Variants in FIGNL2 observed in about 807,000 individuals in gnomAD.
FIGNL2 encodes the protein fidgetin like 2.
For synonymous variants in FIGNL2, 565 were observed against 484.0 expected (o/e 1.17, Z -2.20); for missense variants, 1,060 against 950.2 (o/e 1.12, Z -1.52).
intron 1 of FIGNL2, chr12:51,847,920 C>A (rs1217042288): frequency 1.1e-5 from 9 of 830,986 alleles, no homozygotes; most frequent in Non-Finnish European, 1.3e-5. Flanking sequence ...CTCCTACAAC[C>A]CCCTGACTCT....
At chr12:51,829,825 G>A (rs1347171078) in intron 1 of FIGNL2, among the ~76,000 whole-genome samples, 2 of 151,588 alleles carry the variant, frequency 1.3e-5, no homozygotes, top group East Asian at 1.9e-4. Flanking sequence ...AAGGAAGAGA[G>A]GGAGGGAGAG....
In FIGNL2 at chr12:51,821,015, C is replaced by A. The variant is rs2138968686; in HGVS notation, c.1399G>T (p.Ala467Ser). 1.7e-6 allele frequency: 2 copies of A among 1,172,486 alleles called. No individual in the cohort carries two copies. The highest frequency in any genetic ancestry group is 3.5e-4 in the Middle Eastern group (1 of 2,896). 72.6% of individuals were successfully genotyped at this position (1,172,486 alleles called of 1,614,324 possible). ...RGATLAAPGA[A>S]EGARLLQAAF... is the part of the protein sequence containing the mutation. ...GCCTGGAGGAGGCGCGCGCCCTCGG[C>A]GGCGCCGGGCGCAGCCAGGGTCGCG... Residue 467 changes from alanine to serine, a missense_variant, in exon 2 of 2, where the codon GCC becomes TCC. By Grantham distance (99) the Ala-to-Ser change is moderately conservative. Transcript: ENST00000618634.
Position 51,820,909 on chromosome 12 carries a change from T to A in FIGNL2, c.1505A>T (p.Asp502Val). ...CAGCGCGCCCCCTGCCGCCGCGCCG[T>A]CGTCCCGGGCGGGGAGCAGCGCCTC... ...ELEALLPARD[D>V]GAAAGGALQV... Residue 502 changes from aspartate (D) to valine (V), a missense_variant, in exon 2 of 2, where the codon GAC becomes GTC. Coordinates refer to ENST00000618634, the MANE Select transcript of FIGNL2 (RefSeq NM_001384995.1). The A allele has an allele frequency of 7.5e-7, 1 of 1,333,230 alleles. No individual in the cohort carries two copies. Among genetic ancestry groups the A allele is most frequent in the South Asian group, 2.0e-5 (1 of 48,944 alleles). The allele number at this position is 1,333,230 out of a possible 1,614,324, so 82.6% of individuals were successfully genotyped here.
At position 51,848,696 on chromosome 12, in the gene FIGNL2, C is replaced by CA. The variant is rs1266005479; in HGVS notation, c.-169_-168insT. On this transcript the variant is annotated 5_prime_UTR_variant, in exon 1 of 2. Transcript: ENST00000618634. ...GCCGCTGCTGCTGCGGCTGCTGCGG[C>CA]CGCCGCGGGCGGGAGCGGGACTGGG... The CA allele has an allele frequency of 3.5e-6, 1 of 285,950 alleles. No homozygotes were observed. Among genetic ancestry groups the CA allele is most frequent in the Admixed American group, 6.5e-5 (1 of 15,386 alleles). The allele number at this position is 285,950 out of a possible 1,614,324, so 17.7% of individuals were successfully genotyped here.
In FIGNL2 at chr12:51,821,795, C is replaced by G. The variant is rs2138971458; in HGVS notation, c.619G>C (p.Ala207Pro). The change falls in exon 2 of 2, where the codon GCA becomes CCA. Residue 207 changes from alanine to proline, a missense_variant. Transcript: ENST00000618634. ...CCGGGCTGCGCTGCGTAGCCCCCTG[C>G]GGGATAGTTGTACAGCGGCGCTGAG... ...GPSAPLYNYP[A>P]GGYAAQPGYG... The G allele has an allele frequency of 7.8e-7, 1 of 1,275,176 alleles. No homozygotes were observed. Among genetic ancestry groups the G allele is most frequent in the Non-Finnish European group, 9.8e-7 (1 of 1,016,416 alleles). The allele number at this position is 1,275,176 out of a possible 1,614,324, so 79.0% of individuals were successfully genotyped here. A position where few individuals can be genotyped will look rare whatever the true frequency, so the allele number is the denominator to read the frequency against.
Position 51,821,755 on chromosome 12 carries a change from G to C in FIGNL2, c.659C>G (p.Pro220Arg), listed in dbSNP as rs937401049. ...YAAQPGYGAL[P>R]PPPGPPPAPY... ...GGCCGGGGGTGGGCCTGGGGGCGGC[G>C]GGAGCGCGCCATAGCCGGGCTGCGC... Residue 220 changes from proline to arginine, a missense_variant, in exon 2 of 2, where the codon CCG becomes CGG. Pro to Arg is a moderately radical substitution (Grantham distance 103, BLOSUM62 -2). Coordinates refer to ENST00000618634, the MANE Select transcript of FIGNL2 (RefSeq NM_001384995.1). 6 of 1,282,934 alleles carry C rather than the reference G, an allele frequency of 4.7e-6. No individual in the cohort carries two copies. The African/African-American group carries it at 9.4e-5, about 20-fold the overall frequency. The allele number at this position is 1,282,934 out of a possible 1,614,324, so 79.5% of individuals were successfully genotyped here.
At chr12:51,847,802 A>G in intron 1 of FIGNL2, 4 of 985,194 alleles carry the variant, frequency 4.1e-6, no homozygotes, top group Non-Finnish European at 4.8e-6. Context: ...TGTGTAGAAC[A>G]GGAGAGGGCT....
chr12:51,847,668 G>A (rs1381247452), intron 1 of FIGNL2: 1 of 985,322 alleles, frequency 1.0e-6, no homozygotes, highest in Non-Finnish European at 1.2e-6. Flanking sequence ...TCCTCCTCTG[G>A]CGGGGGCAGG....
intron 1 of FIGNL2, among the ~76,000 whole-genome samples, chr12:51,834,274 G>C (rs1939542038): frequency 6.6e-6 from 1 of 151,880 alleles, no homozygotes; most frequent in African/African-American, 2.4e-5. Flanking sequence ...ATGGATAGGG[G>C]AGGGGAGTCC....
At chr12:51,847,612 G>C (rs542028311) in intron 1 of FIGNL2, 1 of 985,418 alleles carries the variant, frequency 1.0e-6, no homozygotes, top group Non-Finnish European at 1.2e-6. Context: ...TGGGCGCAGG[G>C]TCCAGGCCGC....
At chr12:51,823,113 G>A (rs303818) in intron 1 of FIGNL2, among the ~76,000 whole-genome samples, 52,691 of 152,080 alleles carry the variant, frequency 0.35, 9,957 homozygotes, top group East Asian at 0.49. Context: ...TTTGGCTTCT[G>A]CCTGATGAAG....
In FIGNL2 at chr12:51,820,274, G is replaced by T; in HGVS notation, c.*178C>A. ...TACACGGCGCATATGGCATCTGCCT[G>T]GCAGAAGCATTTTCCTTCCCACGAA... On this transcript the variant is annotated 3_prime_UTR_variant, in exon 2 of 2. Transcript: ENST00000618634. 1.2e-6 allele frequency: 1 copy of T among 813,768 alleles called. No individual in the cohort carries two copies. Among genetic ancestry groups the T allele is most frequent in the Non-Finnish European group, 1.9e-6 (1 of 540,024 alleles). The allele number at this position is 813,768 out of a possible 1,614,324, so 50.4% of individuals were successfully genotyped here.
chr12:51,834,010 C>CGG (rs1939523942), intron 1 of FIGNL2, among the ~76,000 whole-genome samples: 1 of 124,038 alleles, frequency 8.1e-6, no homozygotes, highest in Non-Finnish European at 1.7e-5. Context: ...AATGGACAGA[C>CGG]AAATGGACGG....
intron 1 of FIGNL2, among the ~76,000 whole-genome samples, chr12:51,824,767 G>A (rs1939299320): frequency 6.6e-6 from 1 of 152,234 alleles, no homozygotes; most frequent in African/African-American, 2.4e-5. Context: ...TTATTGGCCA[G>A]GCTCAGTGGC....
intron 1 of FIGNL2, among the ~76,000 whole-genome samples, chr12:51,843,578 T>C (rs1939697468): frequency 6.6e-6 from 1 of 151,180 alleles, no homozygotes; most frequent in African/African-American, 2.4e-5. Flanking sequence ...GCAGCTTGTT[T>C]GTCACATCTT....
chr12:51,829,301 C>G (rs1939407295), intron 1 of FIGNL2, among the ~76,000 whole-genome samples: 1 of 152,202 alleles, frequency 6.6e-6, no homozygotes, highest in East Asian at 1.9e-4. Flanking sequence ...CCCAGGGGGT[C>G]TCTGGCTGCC....
rs1445966440 is a variant in FIGNL2 at position 51,820,900 on chromosome 12, G to A, written c.1514C>T (p.Ala505Val). 4 of 1,338,528 alleles carry A rather than the reference G, an allele frequency of 3.0e-6. No individual in the cohort carries two copies. The South Asian group carries it at 6.0e-5, about 20-fold the overall frequency. 82.9% of individuals were successfully genotyped at this position (1,338,528 alleles called of 1,614,324 possible). Residue 505 changes from alanine (A) to valine (V), a missense_variant, in exon 2 of 2, where the codon GCG (alanine) becomes GTG (valine). Coordinates refer to ENST00000618634, the MANE Select transcript of FIGNL2 (RefSeq NM_001384995.1). ...CGGCACCTGCAGCGCGCCCCCTGCCGCCGCGCCGTCGTCCCGGGCGGGGAG... is the reference window on the plus strand; with the variant it reads ...CGGCACCTGCAGCGCGCCCCCTGCCACCGCGCCGTCGTCCCGGGCGGGGAG... ...ALLPARDDGAAAGGALQVPLL... is the reference protein window; with the variant it reads ...ALLPARDDGAVAGGALQVPLL...
chr12:51,834,097 G>GA (rs749377042), intron 1 of FIGNL2, among the ~76,000 whole-genome samples: 1 of 87,954 alleles, frequency 1.1e-5, no homozygotes, highest in African/African-American at 3.5e-5. Context: ...AGACGGATGG[G>GA]TGGATGGATG....
intron 1 of FIGNL2, chr12:51,848,070 GC>G: frequency 1.1e-6 from 1 of 914,620 alleles, no homozygotes; most frequent in African/African-American, 1.8e-5. Context: ...CAGTAACCCA[GC>G]CCCCACCCCT....
Sources: allele counts gnomAD v4.1 joint callset (sites outside exome capture counted in the v4.1 genomes callset), GRCh38; gene constraint gnomAD v4.1.1; transcripts MANE v1.5; gene names NCBI Gene and HGNC (gene_info 2026-07-23, HGNC 2026-07-21).